EFCAB6: variants seen among roughly 807,000 people sequenced by gnomAD.
The protein encoded by EFCAB6 is EF-hand calcium-binding domain-containing protein 6.
In EFCAB6, 156 loss-of-function variants were observed where a neutral mutation model predicts 169.8. The observed-to-expected ratio is 0.92, with a 90% CI of 0.81 to 1.05. The LOEUF is 1.05. Among genes scored for constraint, EFCAB6 ranks in the 50% least tolerant of loss-of-function variants. The pLI, the probability that EFCAB6 is intolerant of heterozygous loss-of-function variation, is 0.00. For synonymous variants in EFCAB6, 698 were observed against 676.4 expected (o/e 1.03, Z -0.50); for missense variants, 1,800 against 1,829.1 (o/e 0.98, Z 0.29).
intron 25 of EFCAB6, among the ~76,000 whole-genome samples, chr22:43,577,360 G>A (rs906154483): frequency 6.6e-6 from 1 of 152,164 alleles, no homozygotes; most frequent in Admixed American, 6.5e-5. Context: ...GGGCTAATTA[G>A]GCACGCCCCA....
chr22:43,683,889 A>G, intron 11 of EFCAB6, 34 bp from the exon 12 acceptor site: 1 of 1,507,750 alleles, frequency 6.6e-7, no homozygotes, highest in Non-Finnish European at 9.2e-7. Flanking sequence ...CAGGAATAAG[A>G]TTATGTTCTT....
chr22:43,676,109 A>C (rs1193289305), intron 13 of EFCAB6, among the ~76,000 whole-genome samples: 1 of 151,950 alleles, frequency 6.6e-6, no homozygotes, highest in Non-Finnish European at 1.5e-5. Flanking sequence ...AAAATGGAAT[A>C]TACAAAGTCA....
intron 10 of EFCAB6, among the ~76,000 whole-genome samples, chr22:43,704,213 T>C (rs1039713525): frequency 1.3e-5 from 2 of 152,004 alleles, no homozygotes; most frequent in Admixed American, 6.6e-5. Flanking sequence ...GATGATATAT[T>C]CAAAGGGCTA....
At chr22:43,776,064 T>G (rs528884033) in intron 3 of EFCAB6, among the ~76,000 whole-genome samples, 1 of 152,170 alleles carries the variant, frequency 6.6e-6, no homozygotes, top group African/African-American at 2.4e-5. Context: ...AATAGATACC[T>G]GGAACAGAAG....
chr22:43,717,996 G>A (rs1219550645), intron 8 of EFCAB6, among the ~76,000 whole-genome samples: 1 of 152,042 alleles, frequency 6.6e-6, no homozygotes, highest in Admixed American at 6.6e-5. Flanking sequence ...TTTTAAAGGG[G>A]TAATTAGCAT....
At chr22:43,796,257 C>T (rs1298005439) in intron 2 of EFCAB6, among the ~76,000 whole-genome samples, 1 of 151,950 alleles carries the variant, frequency 6.6e-6, no homozygotes, top group Admixed American at 6.6e-5. Context: ...GTCTGTCTTC[C>T]CTGTCAGACT....
chr22:43,556,980 G>A (rs2048745493), intron 26 of EFCAB6, among the ~76,000 whole-genome samples: 1 of 152,220 alleles, frequency 6.6e-6, no homozygotes, highest in African/African-American at 2.4e-5. Flanking sequence ...GGCATCAACA[G>A]AGTAGAGGAG....
rs2059957609 is a variant in EFCAB6 at position 43,731,739 on chromosome 22, T to C, written c.717A>G (p.Ile239Met). Residue 239 changes from isoleucine (I) to methionine (M), a missense_variant, in exon 8 of 32, where the codon ATA (isoleucine) becomes ATG (methionine). Coordinates refer to ENST00000262726, the MANE Select transcript of EFCAB6 (RefSeq NM_022785.4). ...AATATCTAAGGTTCAAGTCGTTATT[T>C]ATGCTGAGATTCTTCAAAAACACGT... The part of the protein sequence containing the change: ...DYNVFLKNLS[I>M]NNDLNLRYCM... 6.2e-7 allele frequency: 1 copy of C among 1,603,654 alleles called. No homozygotes were observed. The highest frequency in any genetic ancestry group is 1.7e-5 in the Admixed American group (1 of 57,882).
chr22:43,554,592 A>T, intron 27 of EFCAB6: 1 of 449,340 alleles, frequency 2.2e-6, no homozygotes, highest in East Asian at 4.4e-5. Flanking sequence ...GGGATGCTCC[A>T]GGGAAGGGAG....
rs546489216 is a variant in EFCAB6 at position 43,682,508 on chromosome 22, G to C, written c.1251+1239C>G. ...TTCAGCATACTATTAGAACCTGAGT[G>C]GGGGTGGGTAACACACAAAGGCCTC... is the stretch of plus-strand genomic sequence containing the variant. On this transcript the variant is annotated intron_variant, in intron 12 of 31. Transcript: ENST00000262726. 2.4e-4 allele frequency among the ~76,000 whole-genome samples: 37 copies of C among 152,294 alleles called. 1 individual carries two copies. The South Asian group carries it at 7.7e-3, about 32-fold the overall frequency.
Position 43,626,446 on chromosome 22 carries a change from C to A in EFCAB6, c.2465+1G>T, listed in dbSNP as rs377587998. On this transcript the variant is annotated splice_donor_variant, in intron 20 of 31. Transcript: ENST00000262726. LOFTEE classifies it high-confidence loss of function. Reference sequence around the variant, plus strand: ...GACACAGACCCGTGCTGCCTTCTTACCTAATGAGTCTTTGAGGCGCTTCAT... The same window carrying A: ...GACACAGACCCGTGCTGCCTTCTTAACTAATGAGTCTTTGAGGCGCTTCAT... The A allele has an allele frequency of 6.2e-7, 1 of 1,613,962 alleles. No homozygotes were observed. Among genetic ancestry groups the A allele is most frequent in the South Asian group, 1.1e-5 (1 of 91,038 alleles).
intron 20 of EFCAB6, among the ~76,000 whole-genome samples, chr22:43,619,513 T>C (rs2053978126): frequency 6.6e-6 from 1 of 152,144 alleles, no homozygotes; most frequent in Admixed American, 6.5e-5. Flanking sequence ...GTTGAAATTA[T>C]CAGATTGTAA....
At chr22:43,560,713 C>G (rs1323675514) in intron 26 of EFCAB6, among the ~76,000 whole-genome samples, 3 of 152,204 alleles carry the variant, frequency 2.0e-5, no homozygotes, top group Non-Finnish European at 4.4e-5. Flanking sequence ...TCCTCCTCAA[C>G]AAGCATGGAC....
At chr22:43,773,165 C>G in intron 3 of EFCAB6, 62 bp from the exon 4 acceptor site, 1 of 1,541,106 alleles carries the variant, frequency 6.5e-7, no homozygotes. Flanking sequence ...AACAGAAACT[C>G]TTGCACTGTT....
At chr22:43,575,358 GTTTTTTTT>G (rs34543550) in intron 26 of EFCAB6, among the ~76,000 whole-genome samples, 7 of 104,838 alleles carry the variant, frequency 6.7e-5, no homozygotes, top group African/African-American at 1.2e-4. Flanking sequence ...ATCCGGCTAT[GTTTTTTTT>G]TTTTTTTTTT....
chr22:43,765,286 G>T lies in EFCAB6; in HGVS notation c.440+19C>A. 1 of 1,592,846 alleles carries T rather than the reference G, an allele frequency of 6.3e-7. No homozygotes were observed. The highest frequency in any genetic ancestry group is 1.1e-5 in the South Asian group (1 of 90,328). On this transcript the variant is annotated intron_variant, in intron 5 of 31. Coordinates refer to ENST00000262726, the MANE Select transcript of EFCAB6 (RefSeq NM_022785.4). ...CATTTCAAATTTCACATTTTCACAT[G>T]AGCAAACCAAACACTTACCTCTTTA...
intron 2 of EFCAB6, among the ~76,000 whole-genome samples, chr22:43,805,224 C>T (rs1047328993): frequency 1.3e-5 from 2 of 151,946 alleles, no homozygotes; most frequent in Non-Finnish European, 2.9e-5. Flanking sequence ...GAAGAGGACA[C>T]CAAAAAACAG....
At chr22:43,614,456 T>C (rs184925835) in intron 21 of EFCAB6, among the ~76,000 whole-genome samples, 8 of 152,240 alleles carry the variant, frequency 5.3e-5, no homozygotes, top group Non-Finnish European at 7.4e-5. Flanking sequence ...ACACAGACCT[T>C]ATACCCTCCA....
At position 43,671,985 on chromosome 22, in the gene EFCAB6, G is replaced by A. The variant is rs1273399402; in HGVS notation, c.1628C>T (p.Ala543Val). 2 of 1,612,274 alleles carry A rather than the reference G, an allele frequency of 1.2e-6. No individual in the cohort carries two copies. The highest frequency in any genetic ancestry group is 2.2e-5 in the South Asian group (2 of 90,264). Residue 543 changes from alanine (A) to valine (V), a missense_variant, in exon 15 of 32, where the codon GCA (alanine) becomes GTA (valine). By Grantham distance (64) the Ala-to-Val change is moderately conservative. Coordinates refer to ENST00000262726, the MANE Select transcript of EFCAB6 (RefSeq NM_022785.4). Reference sequence around the variant, plus strand: ...ACAAAAAACTTACTTTATGAAATGTGCATTCGTTAAAAATGGACAGAAGAC... The same window carrying A: ...ACAAAAAACTTACTTTATGAAATGTACATTCGTTAAAAATGGACAGAAGAC... Reference protein sequence around the residue: ...MHVFCPFLTNAHFIKLCSKIQ... With the variant: ...MHVFCPFLTNVHFIKLCSKIQ...
Sources: allele counts gnomAD v4.1 joint callset (sites outside exome capture counted in the v4.1 genomes callset), GRCh38; gene constraint gnomAD v4.1.1; transcripts MANE v1.5; gene names NCBI Gene and HGNC (gene_info 2026-07-23, HGNC 2026-07-21).